COL24A1: variants seen among roughly 807,000 people sequenced by gnomAD.
COL24A1 encodes the protein collagen type XXIV alpha 1 chain, also known as collagen alpha-1(XXIV) chain.
COL24A1 carries 224 observed loss-of-function variants against 253.9 expected under a neutral mutation model. The observed-to-expected ratio is 0.88, with a 90% CI of 0.79 to 0.99. The LOEUF is 0.99. COL24A1 is among the 50% of genes least tolerant of loss of function. The probability of loss-of-function intolerance (pLI) is 0.00; values close to 1 mark genes in which losing one functional copy is unlikely to be tolerated. For synonymous variants in COL24A1, 685 were observed against 673.7 expected (o/e 1.02, Z -0.26); for missense variants, 2,131 against 2,068.5 (o/e 1.03, Z -0.59).
intron 12 of COL24A1, among the ~76,000 whole-genome samples, chr1:86,034,199 A>G (rs1698818542): frequency 6.6e-6 from 1 of 152,160 alleles, no homozygotes; most frequent in South Asian, 2.1e-4. Flanking sequence ...TTCATCATAC[A>G]TAAAAAATCA....
intron 39 of COL24A1, among the ~76,000 whole-genome samples, chr1:85,843,677 G>A (rs138586694): frequency 1.3e-5 from 2 of 152,184 alleles, no homozygotes; most frequent in African/African-American, 4.8e-5. Context: ...GACATTGAAG[G>A]GGCAGGATAG....
At chr1:85,797,207 CAAA>C (rs1181001829) in intron 47 of COL24A1, among the ~76,000 whole-genome samples, 1 of 66,202 alleles carries the variant, frequency 1.5e-5, no homozygotes, top group Middle Eastern at 7.7e-3. Context: ...GACTCCGTCT[CAAA>C]AAAAAAAAAA....
At chr1:85,910,069 C>G in intron 25 of COL24A1, 66 bp from the exon 26 acceptor site, 7 of 1,271,134 alleles carry the variant, frequency 5.5e-6, no homozygotes, top group Non-Finnish European at 7.8e-6. Context: ...CTGAGCTAAG[C>G]CTAGAAAGAA....
At chr1:85,767,100 T>C (rs906658916) in intron 53 of COL24A1, among the ~76,000 whole-genome samples, 1 of 83,938 alleles carries the variant, frequency 1.2e-5, no homozygotes, top group Admixed American at 1.3e-4. Flanking sequence ...TGAGACTCCG[T>C]CTCAATAATA....
At chr1:85,845,653 A>T (rs1677076321) in intron 39 of COL24A1, among the ~76,000 whole-genome samples, 1 of 151,850 alleles carries the variant, frequency 6.6e-6, no homozygotes, top group Non-Finnish European at 1.5e-5. Flanking sequence ...GTTAAAGTGG[A>T]TATAAGATCA....
intron 24 of COL24A1, chr1:85,960,807 C>G (rs1690964130): frequency 6.1e-6 from 1 of 163,140 alleles, no homozygotes; most frequent in Non-Finnish European, 1.3e-5. Context: ...TCGCTTGAAC[C>G]CGGGAGGCAG....
At chr1:85,979,565 C>T (rs1013986906) in intron 20 of COL24A1, among the ~76,000 whole-genome samples, 18 of 151,908 alleles carry the variant, frequency 1.2e-4, no homozygotes, top group African/African-American at 4.1e-4. Flanking sequence ...CCTTTACGCA[C>T]ACAAACTAGA....
intron 45 of COL24A1, among the ~76,000 whole-genome samples, chr1:85,822,356 T>C (rs1317382619): frequency 6.6e-6 from 1 of 152,184 alleles, no homozygotes; most frequent in Non-Finnish European, 1.5e-5. Context: ...TTCATTCTCA[T>C]CTAATTTATT....
chr1:86,149,636 C>A (rs1319328539), intron 1 of COL24A1, among the ~76,000 whole-genome samples: 1 of 152,192 alleles, frequency 6.6e-6, no homozygotes, highest in Non-Finnish European at 1.5e-5. Flanking sequence ...TTAAAAATAA[C>A]TAATGACAAG....
chr1:85,742,435 A>G (rs1664755353), intron 57 of COL24A1, among the ~76,000 whole-genome samples: 2 of 151,986 alleles, frequency 1.3e-5, no homozygotes. Context: ...CCCGTCCTAG[A>G]CCTCATTTCT....
At chr1:86,155,955 C>A in intron 1 of COL24A1, 1 of 184,800 alleles carries the variant, frequency 5.4e-6, no homozygotes, top group Non-Finnish European at 1.1e-5. Flanking sequence ...GGAAGCAGGA[C>A]CTCGACAGGG....
At chr1:85,744,858 T>C (rs1332252166) in intron 56 of COL24A1, 24 bp from the exon 57 acceptor site, 2 of 1,595,968 alleles carry the variant, frequency 1.3e-6, no homozygotes, top group Non-Finnish European at 1.7e-6. Flanking sequence ...ATAAGAATTA[T>C]ATAAGCAAAA....
chr1:86,100,059 T>C (rs932932596), intron 5 of COL24A1, among the ~76,000 whole-genome samples: 1 of 152,124 alleles, frequency 6.6e-6, no homozygotes, highest in Non-Finnish European at 1.5e-5. Context: ...CTATTCACAA[T>C]AGCAAAGACT....
intron 28 of COL24A1, among the ~76,000 whole-genome samples, chr1:85,899,103 C>T (rs1049321698): frequency 3.9e-5 from 6 of 152,156 alleles, no homozygotes; most frequent in African/African-American, 1.4e-4. Flanking sequence ...AATAATCACC[C>T]TCAACCCTCA....
intron 53 of COL24A1, among the ~76,000 whole-genome samples, chr1:85,769,909 T>C (rs1039098869): frequency 6.6e-6 from 1 of 152,186 alleles, no homozygotes; most frequent in Non-Finnish European, 1.5e-5. Flanking sequence ...ACTCAATTTT[T>C]TTTTCATGTG....
intron 24 of COL24A1, among the ~76,000 whole-genome samples, chr1:85,948,488 C>CA (rs1274128114): frequency 7.4e-6 from 1 of 134,276 alleles, no homozygotes; most frequent in Non-Finnish European, 1.5e-5. Flanking sequence ...CGCGCCACTG[C>CA]ACTCCAGCCT....
intron 19 of COL24A1, among the ~76,000 whole-genome samples, chr1:85,988,823 C>T (rs1336620886): frequency 1.3e-5 from 2 of 151,950 alleles, no homozygotes; most frequent in African/African-American, 2.4e-5. Context: ...GACACGAATG[C>T]CTCGACTCAG....
chr1:86,047,947 C>T (rs907883536), intron 11 of COL24A1, among the ~76,000 whole-genome samples: 2 of 151,984 alleles, frequency 1.3e-5, no homozygotes, highest in African/African-American at 2.4e-5. Flanking sequence ...TGAAACAATC[C>T]ATTCACTTTC....
chr1:85,878,470 A>G (rs1681450407), intron 32 of COL24A1, among the ~76,000 whole-genome samples: 1 of 152,262 alleles, frequency 6.6e-6, no homozygotes, highest in African/African-American at 2.4e-5. Context: ...ACACGGTCCA[A>G]TTATAGCAGA....
Sources: allele counts gnomAD v4.1 joint callset (sites outside exome capture counted in the v4.1 genomes callset), GRCh38; gene constraint gnomAD v4.1.1; transcripts MANE v1.5; gene names NCBI Gene and HGNC (gene_info 2026-07-23, HGNC 2026-07-21).